Variants in NEK7 observed in about 807,000 individuals in gnomAD.
NEK7 encodes the protein serine/threonine-protein kinase Nek7.
NEK7 carries 18 observed loss-of-function variants against 44.6 expected under a neutral mutation model. That is an observed-to-expected ratio of 0.40 (90% CI 0.28 to 0.60). The LOEUF is 0.60. Among genes scored for constraint, NEK7 ranks in the 20% least tolerant of loss-of-function variants. The pLI is 0.38. For missense variants in NEK7, 256 were observed against 366.5 expected, an observed-to-expected ratio of 0.70 and a Z score of 2.46; for synonymous variants, 130 against 121.1, an observed-to-expected ratio of 1.07 and a Z score of -0.48.
intron 9 of NEK7, among the ~76,000 whole-genome samples, chr1:198,311,046 G>A (rs919609971): frequency 5.4e-5 from 8 of 149,194 alleles, no homozygotes; most frequent in Non-Finnish European, 8.9e-5. Flanking sequence ...CCATTTTCAC[G>A]ATATTGATTC....
At chr1:198,276,984 C>G (rs1294563827) in intron 5 of NEK7, among the ~76,000 whole-genome samples, 1 of 151,524 alleles carries the variant, frequency 6.6e-6, no homozygotes, top group Non-Finnish European at 1.5e-5. Flanking sequence ...CTCAAAATGT[C>G]TTTGGATAAA....
At chr1:198,317,370 G>A (rs1235252299) in intron 9 of NEK7, among the ~76,000 whole-genome samples, 1 of 152,154 alleles carries the variant, frequency 6.6e-6, no homozygotes, top group African/African-American at 2.4e-5. Context: ...CTGCTCACTG[G>A]CACTCCCACT....
chr1:198,272,334 G>A (rs1288876400), intron 5 of NEK7, among the ~76,000 whole-genome samples: 1 of 151,816 alleles, frequency 6.6e-6, no homozygotes, highest in African/African-American at 2.4e-5. Flanking sequence ...TGTAAACCAT[G>A]TAATACCATC....
chr1:198,275,389 A>G (rs1311777899), intron 5 of NEK7, among the ~76,000 whole-genome samples: 1 of 151,358 alleles, frequency 6.6e-6, no homozygotes, highest in African/African-American at 2.4e-5. Context: ...ATAAATATTT[A>G]TATTGATACC....
intron 5 of NEK7, among the ~76,000 whole-genome samples, chr1:198,273,743 T>C (rs952638764): frequency 1.3e-5 from 2 of 151,788 alleles, no homozygotes; most frequent in African/African-American, 4.8e-5. Context: ...TGCTTTGTTT[T>C]TACTAATTGG....
intron 1 of NEK7, among the ~76,000 whole-genome samples, chr1:198,195,199 G>A (rs947874747): frequency 2.0e-5 from 3 of 152,004 alleles, no homozygotes; most frequent in Admixed American, 6.5e-5. Context: ...TTGCTAGGGC[G>A]ATTGGGCATA....
chr1:198,321,739 A>G lies in NEK7; in HGVS notation c.*2217A>G, dbSNP rs1655539583. On this transcript the variant is annotated 3_prime_UTR_variant, in exon 10 of 10. Coordinates refer to ENST00000367385, the MANE Select transcript of NEK7 (RefSeq NM_133494.3). Reference sequence around the variant, plus strand: ...AACCACTGTGTAAAAATCAAATTTTAATTTTGAATGGAATAATTTCAAAGA... The same window carrying G: ...AACCACTGTGTAAAAATCAAATTTTGATTTTGAATGGAATAATTTCAAAGA... 2.0e-5 allele frequency: 3 copies of G among 152,146 alleles called. No homozygotes were observed. The highest frequency in any genetic ancestry group is 6.5e-5 in the Admixed American group (1 of 15,278). 9.4% of individuals were successfully genotyped at this position (152,146 alleles called of 1,614,324 possible).
chr1:198,188,394 A>G (rs184457461), intron 1 of NEK7, among the ~76,000 whole-genome samples: 16 of 152,296 alleles, frequency 1.1e-4, no homozygotes, highest in Admixed American at 3.3e-4. Context: ...TTTCTTGCCT[A>G]TAAGTTCAGT....
intron 1 of NEK7, among the ~76,000 whole-genome samples, chr1:198,225,298 A>G (rs571374866): frequency 1.3e-5 from 2 of 151,704 alleles, no homozygotes; most frequent in African/African-American, 4.8e-5. Flanking sequence ...TCCAGCATAT[A>G]TATAAGTTAA....
intron 1 of NEK7, among the ~76,000 whole-genome samples, chr1:198,169,011 T>C (rs553236875): frequency 7.3e-4 from 111 of 152,216 alleles, no homozygotes; most frequent in Non-Finnish European, 1.5e-3. Context: ...TTCTGAGATT[T>C]CTCTGTATTA....
intron 1 of NEK7, among the ~76,000 whole-genome samples, chr1:198,182,633 T>C (rs1052932747): frequency 6.6e-6 from 1 of 152,252 alleles, no homozygotes; most frequent in Non-Finnish European, 1.5e-5. Flanking sequence ...ACTTATGTAT[T>C]CTGGATTTTA....
intron 1 of NEK7, among the ~76,000 whole-genome samples, chr1:198,217,881 A>G (rs896843087): frequency 1.3e-5 from 2 of 151,650 alleles, no homozygotes; most frequent in Non-Finnish European, 2.9e-5. Context: ...AATATACTTA[A>G]CCAAGTAGGT....
At chr1:198,287,918 C>T (rs1654426255) in intron 7 of NEK7, among the ~76,000 whole-genome samples, 1 of 152,150 alleles carries the variant, frequency 6.6e-6, no homozygotes, top group Non-Finnish European at 1.5e-5. Context: ...AAATGCATGG[C>T]CATCATTCAA....
intron 1 of NEK7, among the ~76,000 whole-genome samples, chr1:198,166,640 A>G (rs1664277217): frequency 6.6e-6 from 1 of 152,226 alleles, no homozygotes. Context: ...CGGCTGGTGC[A>G]GTGAAGCAGT....
chr1:198,226,097 A>G (rs1482424181), intron 1 of NEK7, among the ~76,000 whole-genome samples: 8 of 151,990 alleles, frequency 5.3e-5, no homozygotes, highest in Non-Finnish European at 1.0e-4. Flanking sequence ...AACATTGAAT[A>G]CATATTAAAA....
chr1:198,314,381 T>C (rs979038747), intron 9 of NEK7, among the ~76,000 whole-genome samples: 1 of 152,196 alleles, frequency 6.6e-6, no homozygotes, highest in African/African-American at 2.4e-5. Context: ...GGTTTGAATG[T>C]CCTCCCGTAG....
At chr1:198,233,823 A>G (rs12080194) in intron 2 of NEK7, among the ~76,000 whole-genome samples, 1 of 150,798 alleles carries the variant, frequency 6.6e-6, no homozygotes, top group African/African-American at 2.5e-5. Context: ...TCTACAAAAA[A>G]CGATCTTTTC....
intron 9 of NEK7, among the ~76,000 whole-genome samples, chr1:198,298,278 G>A (rs1337768981): frequency 6.6e-6 from 1 of 152,126 alleles, no homozygotes; most frequent in Non-Finnish European, 1.5e-5. Flanking sequence ...ATAGCATAGG[G>A]TCTTAGTATT....
chr1:198,264,829 C>T (rs543416961), intron 5 of NEK7, among the ~76,000 whole-genome samples: 1 of 150,912 alleles, frequency 6.6e-6, no homozygotes, highest in South Asian at 2.1e-4. Context: ...AACTGTTTGT[C>T]CTTGGGCCAG....
Sources: allele counts gnomAD v4.1 joint callset (sites outside exome capture counted in the v4.1 genomes callset), GRCh38; gene constraint gnomAD v4.1.1; transcripts MANE v1.5; gene names NCBI Gene and HGNC (gene_info 2026-07-23, HGNC 2026-07-21).